IGF1R: variants seen among roughly 807,000 people sequenced by gnomAD.
The protein encoded by IGF1R is insulin like growth factor 1 receptor.
Under a neutral mutation model 144.6 loss-of-function variants are expected in IGF1R, and 44 were observed. That is an observed-to-expected ratio of 0.30 (90% CI 0.24 to 0.39). The LOEUF (loss-of-function observed/expected upper bound fraction) is 0.39, where lower values mean the gene tolerates loss of function less well. Ranked by LOEUF, IGF1R falls within the 10% of genes least tolerant of loss-of-function variation. The pLI, the probability that IGF1R is intolerant of heterozygous loss-of-function variation, is 1.00. For synonymous variants in IGF1R, 795 were observed against 722.8 expected, an observed-to-expected ratio of 1.10 and a Z score of -1.60; for missense variants, 1,355 against 1,833.7, an observed-to-expected ratio of 0.74 and a Z score of 4.77.
chr15:98,815,214 G>A (rs1219651036), intron 2 of IGF1R, among the ~76,000 whole-genome samples: 1 of 152,238 alleles, frequency 6.6e-6, no homozygotes, highest in African/African-American at 2.4e-5. Context: ...GGCTCTTGGG[G>A]CAAACCAGCT....
chr15:98,911,294 C>A (rs144795260), intron 6 of IGF1R, 21 bp from the exon 7 acceptor site: 1 of 1,613,820 alleles, frequency 6.2e-7, no homozygotes, highest in Non-Finnish European at 8.5e-7. Flanking sequence ...CTGTCACTCA[C>A]GGATGTACTC....
chr15:98,855,207 AG>A (rs1256050648), intron 2 of IGF1R, among the ~76,000 whole-genome samples: 2 of 152,150 alleles, frequency 1.3e-5, no homozygotes, highest in African/African-American at 4.8e-5. Context: ...CATGAGAGTG[AG>A]GACAGTCTCA....
At chr15:98,856,367 G>C (rs572676589) in intron 2 of IGF1R, among the ~76,000 whole-genome samples, 2 of 152,358 alleles carry the variant, frequency 1.3e-5, no homozygotes, top group South Asian at 4.1e-4. Context: ...CCTGTGGCTT[G>C]AGCCAGTCAC....
At chr15:98,722,349 C>T (rs1191706948) in intron 2 of IGF1R, among the ~76,000 whole-genome samples, 2 of 152,166 alleles carry the variant, frequency 1.3e-5, no homozygotes, top group East Asian at 1.9e-4. Flanking sequence ...TGGTTGAAAT[C>T]GAGGCCTTTC....
chr15:98,855,751 A>G (rs2011775294), intron 2 of IGF1R, among the ~76,000 whole-genome samples: 2 of 152,338 alleles, frequency 1.3e-5, no homozygotes, highest in African/African-American at 2.4e-5. Context: ...AATTGGGCCA[A>G]ATAGGAAAGT....
At chr15:98,843,962 GT>G (rs1188926559) in intron 2 of IGF1R, among the ~76,000 whole-genome samples, 1 of 152,088 alleles carries the variant, frequency 6.6e-6, no homozygotes, top group Non-Finnish European at 1.5e-5. Context: ...GCTTCCTTTT[GT>G]TTGTTTGTTT....
chr15:98,906,002 C>T (rs1275133891), intron 5 of IGF1R, among the ~76,000 whole-genome samples: 2 of 152,194 alleles, frequency 1.3e-5, no homozygotes, highest in African/African-American at 2.4e-5. Context: ...TTTTCTTTAG[C>T]TTCCACAGGC....
chr15:98,886,794 T>C (rs1363167248), intron 2 of IGF1R, among the ~76,000 whole-genome samples: 1 of 152,080 alleles, frequency 6.6e-6, no homozygotes, highest in Admixed American at 6.6e-5. Context: ...TGAGACAAAA[T>C]TTACAGCGGG....
chr15:98,895,294 A>G (rs1319149088), intron 3 of IGF1R, among the ~76,000 whole-genome samples: 1 of 151,994 alleles, frequency 6.6e-6, no homozygotes, highest in Non-Finnish European at 1.5e-5. Flanking sequence ...TTTGATACTT[A>G]TATCATGTAA....
At chr15:98,904,277 C>A (rs2014625553) in intron 5 of IGF1R, among the ~76,000 whole-genome samples, 1 of 152,098 alleles carries the variant, frequency 6.6e-6, no homozygotes, top group South Asian at 2.1e-4. Flanking sequence ...TGGTCTCGAT[C>A]ATCTGACCTC....
chr15:98,875,211 A>T (rs2012995101), intron 2 of IGF1R, among the ~76,000 whole-genome samples: 1 of 6,200 alleles, frequency 1.6e-4, no homozygotes, highest in African/African-American at 2.1e-4. Context: ...TTCTTTGAAG[A>T]AGGCCAAAAA....
intron 2 of IGF1R, among the ~76,000 whole-genome samples, chr15:98,790,559 G>C (rs2056106276): frequency 6.6e-6 from 1 of 152,112 alleles, no homozygotes. Context: ...TAGCCTCTGG[G>C]CGTGTTGTTT....
chr15:98,817,980 T>C (rs2056729829), intron 2 of IGF1R, among the ~76,000 whole-genome samples: 1 of 152,236 alleles, frequency 6.6e-6, no homozygotes, highest in East Asian at 1.9e-4. Flanking sequence ...GGTCTGGTTC[T>C]AGTGAGGGCT....
chr15:98,883,914 A>G (rs1172781433), intron 2 of IGF1R, among the ~76,000 whole-genome samples: 3 of 152,110 alleles, frequency 2.0e-5, no homozygotes, highest in Non-Finnish European at 4.4e-5. Flanking sequence ...GCAAAAACCA[A>G]CCCTTTGTTG....
At chr15:98,717,017 C>G (rs1245783594) in intron 2 of IGF1R, among the ~76,000 whole-genome samples, 2 of 152,162 alleles carry the variant, frequency 1.3e-5, no homozygotes, top group Non-Finnish European at 2.9e-5. Flanking sequence ...GCTCCACATG[C>G]GGATGTACAG....
At chr15:98,774,496 A>G (rs964641105) in intron 2 of IGF1R, among the ~76,000 whole-genome samples, 2 of 152,234 alleles carry the variant, frequency 1.3e-5, no homozygotes, top group African/African-American at 4.8e-5. Flanking sequence ...AAGAAGAAAT[A>G]TAGAATATTA....
At chr15:98,892,991 C>T (rs2151646794) in intron 3 of IGF1R, among the ~76,000 whole-genome samples, 1 of 152,316 alleles carries the variant, frequency 6.6e-6, no homozygotes, top group South Asian at 2.1e-4. Flanking sequence ...CACTCCAGCA[C>T]AGGCAACAGA....
At chr15:98,661,953 G>A (rs1163561429) in intron 1 of IGF1R, among the ~76,000 whole-genome samples, 1 of 118,758 alleles carries the variant, frequency 8.4e-6, no homozygotes, top group Non-Finnish European at 1.7e-5. Context: ...GTTGAATAGG[G>A]CCCTTTTTTT....
rs748252733 is a variant in IGF1R at position 98,707,838 on chromosome 15, A to G, written c.371A>G (p.Asn124Ser). The G allele has an allele frequency of 1.3e-5, 21 of 1,614,052 alleles. No individual in the cohort carries two copies. Among genetic ancestry groups the G allele is most frequent in the African/African-American group, 4.0e-5 (3 of 74,922 alleles). Residue 124 changes from asparagine (N) to serine (S), a missense_variant, in exon 2 of 21, where the codon AAT becomes AGT. Asn to Ser is a conservative substitution (Grantham distance 46). Coordinates refer to ENST00000650285, the MANE Select transcript of IGF1R (RefSeq NM_000875.5). This position sits in a 1 kb window ranked among gnomAD's most constrained non-coding sequence, Gnocchi z 6.7. ...GCCCTGGTCATCTTCGAGATGACCA[A>G]TCTCAAGGATATTGGGCTTTACAAC... The part of the protein sequence containing the change: ...NYALVIFEMT[N>S]LKDIGLYNLR...
Sources: gnomAD v4.1 joint callset for allele counts (sites outside exome capture counted in the v4.1 genomes callset) on GRCh38, gnomAD v4.1.1 for gene constraint, Gnocchi (gnomAD v3.1) non-coding constraint, MANE v1.5 for transcripts, NCBI Gene and HGNC (gene_info 2026-07-23, HGNC 2026-07-21) for gene names.